The following TAFA1 variants were observed in gnomAD, a reference collection of about 807,000 sequenced individuals.
The protein encoded by TAFA1 is chemokine-like protein TAFA-1.
TAFA1 carries 4 observed loss-of-function variants against 18.5 expected under a neutral mutation model. The ratio of observed to expected loss-of-function variants is 0.22; its 90% CI spans 0.11 to 0.49. The LOEUF is 0.49. Ranked by LOEUF, TAFA1 falls within the 20% of genes least tolerant of loss-of-function variation. The probability of loss-of-function intolerance (pLI) is 0.98; values close to 1 mark genes in which losing one functional copy is unlikely to be tolerated. For missense variants in TAFA1, 147 were observed against 169.0 expected (o/e 0.87, Z 0.72); for synonymous variants, 56 against 55.2 (o/e 1.01, Z -0.06).
chr3:68,418,268 G>A (rs371312885), intron 3 of TAFA1, among the ~76,000 whole-genome samples: 8 of 152,086 alleles, frequency 5.3e-5, no homozygotes, highest in South Asian at 4.2e-4. Context: ...GGGTGGGGCC[G>A]TTTTATAGGA....
chr3:68,009,032 T>C (rs1704420006), intron 2 of TAFA1, among the ~76,000 whole-genome samples: 1 of 152,214 alleles, frequency 6.6e-6, no homozygotes, highest in Non-Finnish European at 1.5e-5. Flanking sequence ...CCCCCCTTAA[T>C]AGACTGTAAA....
At chr3:68,378,983 C>T (rs1014108098) in intron 2 of TAFA1, among the ~76,000 whole-genome samples, 12 of 152,098 alleles carry the variant, frequency 7.9e-5, no homozygotes, top group African/African-American at 2.4e-4. Flanking sequence ...TACCCAGTCT[C>T]GGGTATTTCT....
chr3:68,093,151 G>A (rs2065047433), intron 2 of TAFA1, among the ~76,000 whole-genome samples: 1 of 152,146 alleles, frequency 6.6e-6, no homozygotes. Flanking sequence ...AGGAAAGAAT[G>A]CTGGAGTGAG....
intron 2 of TAFA1, among the ~76,000 whole-genome samples, chr3:68,313,063 T>G (rs1404266178): frequency 2.0e-5 from 3 of 152,038 alleles, no homozygotes; most frequent in Admixed American, 2.0e-4. Flanking sequence ...TACACTATCA[T>G]GAGAAAAGAA....
intron 3 of TAFA1, among the ~76,000 whole-genome samples, chr3:68,440,934 G>A (rs138399067): frequency 6.6e-6 from 1 of 152,242 alleles, no homozygotes; most frequent in Non-Finnish European, 1.5e-5. Context: ...AATCATTGTT[G>A]TGTCTCCTGG....
intron 2 of TAFA1, among the ~76,000 whole-genome samples, chr3:68,086,565 A>T (rs1040595228): frequency 6.6e-6 from 1 of 152,182 alleles, no homozygotes; most frequent in African/African-American, 2.4e-5. Context: ...TTTGACTATA[A>T]TTTTTCCTTC....
chr3:68,061,327 TTC>T (rs2064599873), intron 2 of TAFA1, among the ~76,000 whole-genome samples: 1 of 152,234 alleles, frequency 6.6e-6, no homozygotes, highest in Non-Finnish European at 1.5e-5. Flanking sequence ...CTTGATAAAT[TTC>T]TCTGTTTGTA....
intron 2 of TAFA1, among the ~76,000 whole-genome samples, chr3:68,094,601 T>C (rs2065065672): frequency 6.6e-6 from 1 of 152,182 alleles, no homozygotes; most frequent in African/African-American, 2.4e-5. Flanking sequence ...GTGCTGAGGT[T>C]ACAGTAGGGA....
intron 2 of TAFA1, among the ~76,000 whole-genome samples, chr3:68,091,910 G>T (rs770969005): frequency 7.2e-5 from 11 of 152,248 alleles, no homozygotes; most frequent in Non-Finnish European, 1.0e-4. Flanking sequence ...TTGAATGACT[G>T]CTGGTTTCCT....
chr3:68,436,789 C>T (rs111765147), intron 3 of TAFA1, among the ~76,000 whole-genome samples: 4 of 152,030 alleles, frequency 2.6e-5, no homozygotes, highest in African/African-American at 4.8e-5. Context: ...AAATGAACAG[C>T]GAGTCACTGG....
At chr3:68,423,814 A>AG (rs1337212168) in intron 3 of TAFA1, among the ~76,000 whole-genome samples, 1 of 151,940 alleles carries the variant, frequency 6.6e-6, no homozygotes, top group East Asian at 1.9e-4. Context: ...AGTTGTTAGT[A>AG]GGGGAGGTCC....
At position 68,126,792 on chromosome 3, in the gene TAFA1, G is replaced by A. The variant is rs146122964; in HGVS notation, c.118+120048G>A. Among the ~76,000 whole-genome samples, 173 of 152,276 alleles carry A rather than the reference G, an allele frequency of 1.1e-3. 1 individual carries two copies. Among genetic ancestry groups the A allele is most frequent in the African/African-American group, 3.9e-3 (160 of 41,558 alleles). The stretch of plus-strand genomic sequence containing the variant: ...TTGGCCACACATTTTACTTGCAAAC[G>A]TAACAACACAACAGGCCTCCTAGGC... On this transcript the variant is annotated intron_variant, in intron 2 of 4. Coordinates refer to ENST00000478136, the MANE Select transcript of TAFA1 (RefSeq NM_213609.4).
At chr3:68,203,573 T>C (rs1369532481) in intron 2 of TAFA1, among the ~76,000 whole-genome samples, 1 of 151,682 alleles carries the variant, frequency 6.6e-6, no homozygotes, top group Non-Finnish European at 1.5e-5. Flanking sequence ...TGTCCTATGA[T>C]TGGGTTTCAG....
At chr3:68,375,352 C>T (rs2069789200) in intron 2 of TAFA1, among the ~76,000 whole-genome samples, 1 of 152,118 alleles carries the variant, frequency 6.6e-6, no homozygotes, top group Non-Finnish European at 1.5e-5. Flanking sequence ...TTGATTCAAA[C>T]GAAGTTGATT....
intron 2 of TAFA1, among the ~76,000 whole-genome samples, chr3:68,108,196 CCTCTAAA>C (rs2065224652): frequency 6.6e-6 from 1 of 151,936 alleles, no homozygotes; most frequent in Non-Finnish European, 1.5e-5. Flanking sequence ...TTATTTTTGT[CCTCTAAA>C]GTGTTTATTT....
At chr3:68,536,900 C>G (rs561804769) in intron 3 of TAFA1, among the ~76,000 whole-genome samples, 1 of 152,236 alleles carries the variant, frequency 6.6e-6, no homozygotes, top group South Asian at 2.1e-4. Flanking sequence ...ATCAACTATA[C>G]TCTTGATGGT....
rs115747957 is a variant in TAFA1 at position 68,226,963 on chromosome 3, G to A, written c.119-190317G>A. ...AGCAGTTCAGAGGAGTAAAGGGTAC[G>A]TAGCCTTGGCCGAGGGGTTGTGGGG... On this transcript the variant is annotated intron_variant, in intron 2 of 4. Coordinates refer to ENST00000478136, the MANE Select transcript of TAFA1 (RefSeq NM_213609.4). Among the ~76,000 whole-genome samples, 189 of 152,286 alleles carry A rather than the reference G, an allele frequency of 1.2e-3. 1 individual carries two copies. Among genetic ancestry groups the A allele is most frequent in the African/African-American group, 3.5e-3 (146 of 41,560 alleles).
intron 2 of TAFA1, among the ~76,000 whole-genome samples, chr3:68,160,370 A>G (rs903061063): frequency 6.6e-6 from 1 of 152,226 alleles, no homozygotes; most frequent in African/African-American, 2.4e-5. Flanking sequence ...CTGTGTTTCA[A>G]TAAAACTTTA....
intron 3 of TAFA1, among the ~76,000 whole-genome samples, chr3:68,475,594 A>G (rs1332716093): frequency 3.9e-5 from 6 of 152,146 alleles, no homozygotes; most frequent in Non-Finnish European, 8.8e-5. Flanking sequence ...AGTCTTTGCT[A>G]TTGTGAATAG....
Sources: allele counts gnomAD v4.1 joint callset (sites outside exome capture counted in the v4.1 genomes callset), GRCh38; gene constraint gnomAD v4.1.1; transcripts MANE v1.5; gene names NCBI Gene and HGNC (gene_info 2026-07-23, HGNC 2026-07-21).